ADAM23: variants seen among roughly 807,000 people sequenced by gnomAD.
ADAM23 encodes ADAM metallopeptidase domain 23.
Under a neutral mutation model 120.1 loss-of-function variants are expected in ADAM23, and 33 were observed. The ratio of observed to expected loss-of-function variants is 0.27; its 90% CI spans 0.21 to 0.37. ADAM23 has a LOEUF of 0.37. Among genes scored for constraint, ADAM23 ranks in the 10% least tolerant of loss-of-function variants. The pLI, the probability that ADAM23 is intolerant of heterozygous loss-of-function variation, is 1.00. For missense variants in ADAM23, 862 were observed against 1,058.2 expected, an observed-to-expected ratio of 0.81 and a Z score of 2.57; for synonymous variants, 367 against 375.2, an observed-to-expected ratio of 0.98 and a Z score of 0.25.
intron 10 of ADAM23, among the ~76,000 whole-genome samples, chr2:206,558,979 C>G (rs1303690210): frequency 6.6e-6 from 1 of 152,092 alleles, no homozygotes; most frequent in African/African-American, 2.4e-5. Flanking sequence ...GAGTCTTGCT[C>G]TGTTGCCCAG....
Position 206,487,075 on chromosome 2 carries a change from A to C in ADAM23, c.509+5767A>C, listed in dbSNP as rs907290998. Reference sequence around the variant, plus strand: ...TATTTGGATATATTCTAAGCTTCTTAAGCTTTAGTTTCCTTCCGAAGCTGT... The same window carrying C: ...TATTTGGATATATTCTAAGCTTCTTCAGCTTTAGTTTCCTTCCGAAGCTGT... On this transcript the variant is annotated intron_variant, in intron 3 of 25. Transcript: ENST00000264377. 1.1e-4 allele frequency among the ~76,000 whole-genome samples: 17 copies of C among 152,184 alleles called. 1 individual carries two copies. The highest frequency in any genetic ancestry group is 2.6e-4 in the Admixed American group (4 of 15,274).
chr2:206,604,322 A>G (rs773741187), intron 24 of ADAM23, among the ~76,000 whole-genome samples: 1 of 152,216 alleles, frequency 6.6e-6, no homozygotes, highest in African/African-American at 2.4e-5. Context: ...TTAATTTAGT[A>G]TTCTGAAAGC....
Position 206,576,562 on chromosome 2 carries a change from A to AC in ADAM23, c.1737+3373dup, listed in dbSNP as rs544946547. Reference sequence around the variant, plus strand: ...TAAAATAGAAGTAGAGGGAGTTAAAACCCCCCAAAATTCTTCTTTTTCTCC... The same window carrying AC: ...TAAAATAGAAGTAGAGGGAGTTAAAACCCCCCCAAAATTCTTCTTTTTCTCC... On this transcript the variant is annotated intron_variant, in intron 18 of 25. Coordinates refer to ENST00000264377, the MANE Select transcript of ADAM23 (RefSeq NM_003812.4). Among the ~76,000 whole-genome samples the AC allele has an allele frequency of 2.1e-3, 322 of 151,856 alleles. 1 individual carries two copies. Among genetic ancestry groups the AC allele is most frequent in the African/African-American group, 7.4e-3 (308 of 41,446 alleles).
At chr2:206,530,522 T>TA (rs1295613759) in intron 3 of ADAM23, among the ~76,000 whole-genome samples, 3 of 147,678 alleles carry the variant, frequency 2.0e-5, no homozygotes, top group African/African-American at 7.5e-5. Flanking sequence ...ATAATGTGAA[T>TA]AAAAAGAGTT....
At chr2:206,548,052 G>A (rs554125363) in intron 7 of ADAM23, among the ~76,000 whole-genome samples, 2 of 152,172 alleles carry the variant, frequency 1.3e-5, no homozygotes, top group South Asian at 2.1e-4. Context: ...TATCAAATAT[G>A]CATCTTCTAA....
intron 3 of ADAM23, among the ~76,000 whole-genome samples, chr2:206,490,560 T>C (rs1460785428): frequency 3.9e-5 from 6 of 152,182 alleles, no homozygotes; most frequent in Non-Finnish European, 4.4e-5. Flanking sequence ...GAGGCAGGTA[T>C]CCCCAAAGTT....
chr2:206,597,193 T>G (rs1417116099), intron 24 of ADAM23, among the ~76,000 whole-genome samples: 1 of 148,954 alleles, frequency 6.7e-6, no homozygotes, highest in Non-Finnish European at 1.5e-5. Flanking sequence ...TTTTTTTTTT[T>G]TTTTGAGACA....
intron 14 of ADAM23, among the ~76,000 whole-genome samples, chr2:206,565,391 GCAGT>G (rs1250646380): frequency 6.6e-6 from 1 of 152,138 alleles, no homozygotes; most frequent in Non-Finnish European, 1.5e-5. Context: ...TCTACCTGAA[GCAGT>G]CAGTGAAAAT....
intron 24 of ADAM23, among the ~76,000 whole-genome samples, chr2:206,609,307 G>A (rs1371230017): frequency 6.6e-6 from 1 of 152,062 alleles, no homozygotes; most frequent in Non-Finnish European, 1.5e-5. Flanking sequence ...TCTTGCCTTT[G>A]GAACCCCATT....
intron 21 of ADAM23, 99 bp downstream of exon 21, chr2:206,589,613 A>G (rs1408034916): frequency 1.1e-6 from 1 of 920,200 alleles, no homozygotes; most frequent in Non-Finnish European, 1.6e-6. Flanking sequence ...TTTTTTTCTA[A>G]GTGTTCACCA....
At chr2:206,461,639 T>C (rs2105859945) in intron 2 of ADAM23, among the ~76,000 whole-genome samples, 1 of 152,298 alleles carries the variant, frequency 6.6e-6, no homozygotes, top group Non-Finnish European at 1.5e-5. Flanking sequence ...GTTTGCATTT[T>C]TATAAGTCTC....
In ADAM23 at chr2:206,470,446, G is replaced by A. The variant is rs187635590; in HGVS notation, c.433-10786G>A. On this transcript the variant is annotated intron_variant, in intron 2 of 25. Coordinates refer to ENST00000264377, the MANE Select transcript of ADAM23 (RefSeq NM_003812.4). Reference sequence around the variant, plus strand: ...TAGTTTTAAAAATTGTGCAAATACAGGTTGAGTGGTTGATCGTTTCCAGAG... The same window carrying A: ...TAGTTTTAAAAATTGTGCAAATACAAGTTGAGTGGTTGATCGTTTCCAGAG... 2.6e-5 allele frequency among the ~76,000 whole-genome samples: 4 copies of A among 152,166 alleles called. 1 individual carries two copies. The highest frequency in any genetic ancestry group is 4.8e-5 in the African/African-American group (2 of 41,448).
At chr2:206,467,145 A>G (rs2105865041) in intron 2 of ADAM23, among the ~76,000 whole-genome samples, 1 of 152,312 alleles carries the variant, frequency 6.6e-6, no homozygotes, top group South Asian at 2.1e-4. Context: ...AAATCATAAA[A>G]TTCCACCCTG....
chr2:206,447,380 A>C (rs574274547), intron 2 of ADAM23, among the ~76,000 whole-genome samples: 1 of 152,340 alleles, frequency 6.6e-6, no homozygotes, highest in Admixed American at 6.5e-5. Flanking sequence ...GCGGTATGCT[A>C]AGTATTCAAA....
At position 206,462,036 on chromosome 2, in the gene ADAM23, C is replaced by T. The variant is rs1437835170; in HGVS notation, c.432+16512C>T. Among the ~76,000 whole-genome samples, 3 of 152,016 alleles carry T rather than the reference C, an allele frequency of 2.0e-5. No homozygotes were observed. The East Asian group carries it at 5.8e-4, about 29-fold the overall frequency. On this transcript the variant is annotated intron_variant, in intron 2 of 25. Transcript: ENST00000264377. ...GGCTGTTGGGGGGATCACACTGCCT[C>T]GATTTATCACTAGGAAGTCCAGAAA...
intron 25 of ADAM23, 44 bp from the exon 26 acceptor site, chr2:206,617,535 A>G: frequency 6.4e-7 from 1 of 1,566,200 alleles, no homozygotes; most frequent in Non-Finnish European, 8.7e-7. Context: ...AATATTGTGG[A>G]TTTTCCCCCT....
intron 2 of ADAM23, among the ~76,000 whole-genome samples, chr2:206,458,997 GA>G (rs1434263946): frequency 1.3e-5 from 2 of 152,188 alleles, no homozygotes; most frequent in Non-Finnish European, 2.9e-5. Context: ...TTATGACAAG[GA>G]GATAAGATTT....
intron 2 of ADAM23, among the ~76,000 whole-genome samples, chr2:206,471,319 G>A (rs1350906767): frequency 6.6e-6 from 1 of 152,082 alleles, no homozygotes; most frequent in East Asian, 1.9e-4. Context: ...ACGAATCCTT[G>A]TGTAGTCATC....
intron 18 of ADAM23, among the ~76,000 whole-genome samples, chr2:206,585,083 G>T (rs1357585686): frequency 6.6e-6 from 1 of 152,174 alleles, no homozygotes; most frequent in African/African-American, 2.4e-5. Context: ...CCTGGGTCCT[G>T]CAGGAGCAGT....
Sources: allele counts gnomAD v4.1 joint callset (sites outside exome capture counted in the v4.1 genomes callset), GRCh38; gene constraint gnomAD v4.1.1; transcripts MANE v1.5; gene names NCBI Gene and HGNC (gene_info 2026-07-23, HGNC 2026-07-21).